The following PDE4B variants were observed in gnomAD, a reference collection of about 807,000 sequenced individuals.
PDE4B encodes the protein phosphodiesterase 4B, also known as 3',5'-cyclic-AMP phosphodiesterase 4B.
A neutral mutation model predicts 82.2 loss-of-function variants in PDE4B; 20 were observed. The observed-to-expected ratio is 0.24, with a 90% CI of 0.17 to 0.35. The LOEUF (loss-of-function observed/expected upper bound fraction) is 0.35. Ranked by LOEUF, PDE4B falls within the 10% of genes least tolerant of loss-of-function variation. The pLI is 1.00. For synonymous variants in PDE4B, 320 were observed against 318.9 expected (o/e 1.00, Z -0.04); for missense variants, 655 against 907.2 (o/e 0.72, Z 3.57).
At chr1:65,851,124 C>T (rs1646327622) in intron 1 of PDE4B, among the ~76,000 whole-genome samples, 1 of 152,104 alleles carries the variant, frequency 6.6e-6, no homozygotes, top group Non-Finnish European at 1.5e-5. Flanking sequence ...AATCAATAGG[C>T]CGAATACGCT....
chr1:66,272,141 G>T (rs988018218), intron 7 of PDE4B, among the ~76,000 whole-genome samples: 4 of 152,172 alleles, frequency 2.6e-5, no homozygotes, highest in Non-Finnish European at 4.4e-5. Context: ...TGCCTGCCTC[G>T]AGCCTGGTCA....
intron 3 of PDE4B, among the ~76,000 whole-genome samples, chr1:66,189,248 C>T (rs1647503830): frequency 6.6e-6 from 1 of 152,046 alleles, no homozygotes; most frequent in Admixed American, 6.6e-5. Context: ...TGACCTTTCT[C>T]TCTGGCTGCC....
At chr1:65,838,245 T>C (rs1646164029) in intron 1 of PDE4B, among the ~76,000 whole-genome samples, 1 of 152,076 alleles carries the variant, frequency 6.6e-6, no homozygotes, top group African/African-American at 2.4e-5. Context: ...AATATTTCAC[T>C]AATGCATTTG....
At chr1:66,133,127 G>A (rs1360169742) in intron 3 of PDE4B, among the ~76,000 whole-genome samples, 1 of 152,174 alleles carries the variant, frequency 6.6e-6, no homozygotes, top group Admixed American at 6.5e-5. Flanking sequence ...GGAGGAAGAG[G>A]AGGAAATTGG....
intron 3 of PDE4B, among the ~76,000 whole-genome samples, chr1:65,931,293 A>G (rs1485541942): frequency 6.6e-6 from 1 of 152,182 alleles, no homozygotes; most frequent in Non-Finnish European, 1.5e-5. Flanking sequence ...TTCTTTATAA[A>G]TTACCCAGTC....
rs770903141 is a variant in PDE4B, at chr1:66,372,709, A to G, written c.*31A>G. 44 of 1,582,324 alleles carry G rather than the reference A, an allele frequency of 2.8e-5. No individual in the cohort carries two copies. The Admixed American group carries it at 6.1e-4, about 22-fold the overall frequency. ...CTCTCCCTGTGGAGATGAACATTCTATCCTTGATGAGCATGCCAGCTATGT... is the reference window on the plus strand; with the variant it reads ...CTCTCCCTGTGGAGATGAACATTCTGTCCTTGATGAGCATGCCAGCTATGT... On this transcript the variant is annotated 3_prime_UTR_variant, in exon 17 of 17. Coordinates refer to ENST00000341517, the MANE Select transcript of PDE4B (RefSeq NM_002600.4).
chr1:66,262,027 T>G (rs1426618883), intron 6 of PDE4B, among the ~76,000 whole-genome samples: 2 of 152,360 alleles, frequency 1.3e-5, no homozygotes, highest in African/African-American at 4.8e-5. Context: ...ATGTCACCTG[T>G]GGCTATCAGG....
chr1:66,358,472 C>T (rs147253160), intron 9 of PDE4B, among the ~76,000 whole-genome samples: 11,446 of 152,070 alleles, frequency 0.075, 533 homozygotes, highest in South Asian at 0.22. Context: ...GTCAGGAGTT[C>T]GAGACCAGCC....
chr1:65,923,507 G>A (rs1647326878), intron 3 of PDE4B, among the ~76,000 whole-genome samples: 1 of 152,092 alleles, frequency 6.6e-6, no homozygotes, highest in African/African-American at 2.4e-5. Flanking sequence ...TTCACCGTTT[G>A]ATTTGGATTT....
chr1:66,213,978 A>G (rs1328623863), intron 3 of PDE4B, among the ~76,000 whole-genome samples: 2 of 152,174 alleles, frequency 1.3e-5, no homozygotes. Context: ...AGTACTGTTT[A>G]TCTTTCCAAA....
chr1:65,868,939 T>G (rs552014520), intron 1 of PDE4B, among the ~76,000 whole-genome samples: 1 of 152,324 alleles, frequency 6.6e-6, no homozygotes, highest in African/African-American at 2.4e-5. Context: ...CCACCCCGTC[T>G]GTGGAAAAAT....
At chr1:65,887,137 T>C (rs1304087112) in intron 1 of PDE4B, among the ~76,000 whole-genome samples, 22 of 127,224 alleles carry the variant, frequency 1.7e-4, no homozygotes, top group African/African-American at 6.3e-4. Context: ...TCCCTCCCTC[T>C]CTCCCTCCTT....
chr1:66,356,987 A>G (rs1461712147), intron 9 of PDE4B, among the ~76,000 whole-genome samples: 2 of 151,728 alleles, frequency 1.3e-5, no homozygotes, highest in East Asian at 3.8e-4. Context: ...CCATTTGAAG[A>G]CAGGGATCTT....
chr1:66,096,479 C>T (rs1374950743), intron 3 of PDE4B, among the ~76,000 whole-genome samples: 1 of 119,278 alleles, frequency 8.4e-6, no homozygotes, highest in African/African-American at 3.1e-5. Context: ...GGGGCTAGTC[C>T]TAATTAAATG....
chr1:65,856,765 C>T (rs983235838), intron 1 of PDE4B, among the ~76,000 whole-genome samples: 1 of 152,250 alleles, frequency 6.6e-6, no homozygotes, highest in Non-Finnish European at 1.5e-5. Context: ...CATTGTCTTC[C>T]GCATGGTTGA....
chr1:65,907,773 C>T (rs1647043496), intron 1 of PDE4B, among the ~76,000 whole-genome samples: 1 of 152,152 alleles, frequency 6.6e-6, no homozygotes. Context: ...AGCAAAAATA[C>T]ACCAATGCCT....
At chr1:65,886,062 G>A (rs915673537) in intron 1 of PDE4B, among the ~76,000 whole-genome samples, 3 of 150,916 alleles carry the variant, frequency 2.0e-5, no homozygotes, top group Non-Finnish European at 4.4e-5. Context: ...ATGAAAAAAG[G>A]AACATAAAAT....
chr1:66,052,555 G>GGT (rs1553138317), intron 3 of PDE4B, among the ~76,000 whole-genome samples: 3 of 139,416 alleles, frequency 2.2e-5, no homozygotes, highest in Non-Finnish European at 4.6e-5. Context: ...CAGGGACCGA[G>GGT]TTTTTTTTTT....
chr1:66,121,714 T>C (rs1266545528), intron 3 of PDE4B, among the ~76,000 whole-genome samples: 7 of 152,214 alleles, frequency 4.6e-5, no homozygotes, highest in Admixed American at 3.3e-4. Flanking sequence ...CTTGGCAGTA[T>C]GTTCTAAAAT....
Sources: allele counts gnomAD v4.1 joint callset (sites outside exome capture counted in the v4.1 genomes callset), GRCh38; gene constraint gnomAD v4.1.1; transcripts MANE v1.5; gene names NCBI Gene and HGNC (gene_info 2026-07-23, HGNC 2026-07-21).